The following RPRD2 variants were observed in gnomAD, a reference collection of about 807,000 sequenced individuals.
The protein encoded by RPRD2 is regulation of nuclear pre-mRNA domain-containing protein 2.
A neutral mutation model predicts 104.4 loss-of-function variants in RPRD2; 12 were observed. The ratio of observed to expected loss-of-function variants is 0.11; its 90% CI spans 0.07 to 0.19. The LOEUF (loss-of-function observed/expected upper bound fraction) is 0.19, where lower values mean the gene tolerates loss of function less well. Among genes scored for constraint, RPRD2 ranks in the 10% least tolerant of loss-of-function variants. The pLI is 1.00. For missense variants in RPRD2, 1,543 were observed against 1,790.1 expected (o/e 0.86, Z 2.49); for synonymous variants, 714 against 684.9 (o/e 1.04, Z -0.66).
chr1:150,413,361 G>A (rs961671119), intron 1 of RPRD2, among the ~76,000 whole-genome samples: 8 of 152,196 alleles, frequency 5.3e-5, no homozygotes, highest in Non-Finnish European at 8.8e-5. Context: ...AGCACTTTGG[G>A]AGGCCGAGGC....
intron 1 of RPRD2, among the ~76,000 whole-genome samples, chr1:150,397,608 G>A (rs966198201): frequency 3.3e-5 from 5 of 152,102 alleles, no homozygotes; most frequent in Admixed American, 2.0e-4. Context: ...TGATGCAATT[G>A]TAGTAAAACA....
At chr1:150,432,458 G>T (rs1439482305) in intron 2 of RPRD2, among the ~76,000 whole-genome samples, 1 of 152,032 alleles carries the variant, frequency 6.6e-6, no homozygotes, top group Admixed American at 6.6e-5. Context: ...AGTATTAAGA[G>T]GTGGAGCCTT....
intron 9 of RPRD2, among the ~76,000 whole-genome samples, chr1:150,462,104 T>A (rs1667974217): frequency 6.6e-6 from 1 of 151,766 alleles, no homozygotes; most frequent in Non-Finnish European, 1.5e-5. Context: ...GCCAACTTGG[T>A]GAAACCCTGT....
At chr1:150,410,412 A>G (rs1034316249) in intron 1 of RPRD2, among the ~76,000 whole-genome samples, 6 of 152,180 alleles carry the variant, frequency 3.9e-5, no homozygotes, top group Non-Finnish European at 5.9e-5. Context: ...CAATAATTCA[A>G]GCAAAAGATG....
chr1:150,439,301 G>C (rs150632958), intron 2 of RPRD2, among the ~76,000 whole-genome samples: 2 of 152,202 alleles, frequency 1.3e-5, no homozygotes, highest in Non-Finnish European at 2.9e-5. Flanking sequence ...CACATAGTCA[G>C]GCATACCTTA....
rs765562376 is a variant in RPRD2, at chr1:150,471,697, A to G, written c.2749A>G (p.Ser917Gly). Residue 917 changes from serine (S) to glycine (G), a missense_variant, in exon 11 of 11, where the codon AGC (serine) becomes GGC (glycine). By Grantham distance (56) the Ser-to-Gly change is moderately conservative. This residue lies in a region of RPRD2 where 880 missense variants were observed against 885.6 expected (regional missense o/e 0.99). Coordinates refer to ENST00000369068, the MANE Select transcript of RPRD2 (RefSeq NM_015203.5). The surrounding 1 kb of genome is among the most constrained non-coding windows in gnomAD (Gnocchi z 5.3). ...TTCCCCTGGGCTATTTGGTGCCTTCAGCGTAAGAGGGAATGAACCTGGGTC... is the reference window on the plus strand; with the variant it reads ...TTCCCCTGGGCTATTTGGTGCCTTCGGCGTAAGAGGGAATGAACCTGGGTC... Reference protein sequence around the residue: ...SSSPGLFGAFSVRGNEPGSDR... With the variant: ...SSSPGLFGAFGVRGNEPGSDR... 6.2e-7 allele frequency: 1 copy of G among 1,613,872 alleles called. No homozygotes were observed. Among genetic ancestry groups the G allele is most frequent in the Non-Finnish European group, 8.5e-7 (1 of 1,179,856 alleles).
intron 7 of RPRD2, among the ~76,000 whole-genome samples, chr1:150,450,234 T>C (rs1023846314): frequency 9.9e-5 from 15 of 152,198 alleles, no homozygotes; most frequent in African/African-American, 3.6e-4. Context: ...AAGTTGCTTG[T>C]ACCCCATTAT....
Position 150,472,445 on chromosome 1 carries a change from C to T in RPRD2, c.3497C>T (p.Pro1166Leu). The T allele has an allele frequency of 1.2e-6, 2 of 1,613,984 alleles. No individual in the cohort carries two copies. Among genetic ancestry groups the T allele is most frequent in the Non-Finnish European group, 1.7e-6 (2 of 1,179,882 alleles). ...SGGLTGFKTA[P>L]YKERAPQFQE... ...GGCCTCACTGGCTTTAAAACAGCAC[C>T]ATACAAGGAACGGGCACCTCAATTT... is the stretch of plus-strand genomic sequence containing the variant. Residue 1166 changes from proline (P) to leucine (L), a missense_variant, in exon 11 of 11, where the codon CCA (proline) becomes CTA (leucine). Physicochemically the swap from Pro to Leu is moderately conservative, Grantham distance 98. Transcript: ENST00000369068.
chr1:150,374,528 G>A (rs774646806), intron 1 of RPRD2, among the ~76,000 whole-genome samples: 6 of 152,176 alleles, frequency 3.9e-5, no homozygotes, highest in Non-Finnish European at 7.3e-5. Context: ...TGATTGGCAT[G>A]GGAAGTGGGG....
At chr1:150,420,685 A>G (rs929941171) in intron 2 of RPRD2, among the ~76,000 whole-genome samples, 2 of 152,092 alleles carry the variant, frequency 1.3e-5, no homozygotes, top group African/African-American at 2.4e-5. Context: ...AAGTAGCTGG[A>G]TGTGGTGGTG....
intron 1 of RPRD2, among the ~76,000 whole-genome samples, chr1:150,395,302 A>G (rs782265165): frequency 5.9e-5 from 9 of 151,332 alleles, no homozygotes; most frequent in Admixed American, 2.0e-4. Context: ...GTAGCCTCCA[A>G]TCTCATCCAG....
chr1:150,410,549 CCTT>C (rs1417375278), intron 1 of RPRD2, among the ~76,000 whole-genome samples: 1 of 152,196 alleles, frequency 6.6e-6, no homozygotes, highest in Non-Finnish European at 1.5e-5. Context: ...ATTACAGAAA[CCTT>C]CTGTGTACTT....
chr1:150,406,665 C>T (rs1411051480), intron 1 of RPRD2, among the ~76,000 whole-genome samples: 2 of 152,180 alleles, frequency 1.3e-5, no homozygotes, highest in African/African-American at 4.8e-5. Flanking sequence ...TCCAAAAGTG[C>T]TGGTATTACA....
At chr1:150,392,561 TA>T (rs1234534436) in intron 1 of RPRD2, among the ~76,000 whole-genome samples, 1 of 152,170 alleles carries the variant, frequency 6.6e-6, no homozygotes, top group Non-Finnish European at 1.5e-5. Context: ...GAGAACAATT[TA>T]AAAAATAAAT....
chr1:150,399,116 C>A (rs901079203), intron 1 of RPRD2, among the ~76,000 whole-genome samples: 6 of 151,962 alleles, frequency 3.9e-5, no homozygotes, highest in African/African-American at 1.4e-4. Context: ...ATCCTCCCAC[C>A]CCATCCTTTG....
At chr1:150,453,194 A>T (rs1667316511) in intron 7 of RPRD2, among the ~76,000 whole-genome samples, 1 of 151,736 alleles carries the variant, frequency 6.6e-6, no homozygotes, top group Non-Finnish European at 1.5e-5. Flanking sequence ...CACCACGCCC[A>T]GCTAATTTTT....
intron 2 of RPRD2, among the ~76,000 whole-genome samples, chr1:150,427,889 A>C (rs1325345217): frequency 2.0e-5 from 3 of 152,228 alleles, no homozygotes; most frequent in Non-Finnish European, 4.4e-5. Flanking sequence ...TGTACACAGA[A>C]ATATATTCCA....
Position 150,472,090 on chromosome 1 carries a change from A to C in RPRD2, c.3142A>C (p.Ser1048Arg). ...GVSLSNLTQPSLTATDQQQQE... is the reference protein window; with the variant it reads ...GVSLSNLTQPRLTATDQQQQE... ...CAGTCTCTCAAACCTCACCCAACCC[A>C]GCTTGACCGCCACTGATCAGCAGCA... Residue 1048 changes from serine (S) to arginine (R), a missense_variant, in exon 11 of 11, where the codon AGC becomes CGC. Transcript: ENST00000369068. 6.2e-7 allele frequency: 1 copy of C among 1,613,814 alleles called. No individual in the cohort carries two copies. Among genetic ancestry groups the C allele is most frequent in the Non-Finnish European group, 8.5e-7 (1 of 1,179,890 alleles).
intron 2 of RPRD2, 49 bp from the exon 3 acceptor site, chr1:150,440,874 G>C: frequency 1.2e-6 from 1 of 855,372 alleles, no homozygotes; most frequent in Non-Finnish European, 1.8e-6. Flanking sequence ...CTAGTTTGGA[G>C]TAGAAGTCAA....
Sources: allele counts gnomAD v4.1 joint callset (sites outside exome capture counted in the v4.1 genomes callset), GRCh38; gene constraint gnomAD v4.1.1; regional missense constraint gnomAD v4.1.1; non-coding constraint Gnocchi (gnomAD v3.1); transcripts MANE v1.5; gene names NCBI Gene and HGNC (gene_info 2026-07-23, HGNC 2026-07-21).